RTEL1: variants seen among roughly 807,000 people sequenced by gnomAD.
The protein encoded by RTEL1 is regulator of telomere elongation helicase 1.
A neutral mutation model predicts 162.2 loss-of-function variants in RTEL1; 86 were observed. The observed-to-expected ratio is 0.53, with a 90% CI of 0.45 to 0.63. RTEL1 has a LOEUF of 0.63. Ranked by LOEUF, RTEL1 falls within the 30% of genes least tolerant of loss-of-function variation. The pLI is 0.00. For missense variants in RTEL1, 1,941 were observed against 1,750.2 expected, an observed-to-expected ratio of 1.11 and a Z score of -1.95; for synonymous variants, 958 against 717.9, an observed-to-expected ratio of 1.33 and a Z score of -5.35.
At chr20:63,674,629 A>T (rs2090312479) in intron 10 of RTEL1, among the ~76,000 whole-genome samples, 1 of 151,324 alleles carries the variant, frequency 6.6e-6, no homozygotes, top group Non-Finnish European at 1.5e-5. Context: ...TGAGCCTGGG[A>T]GGCAGAGCTT....
At chr20:63,675,378 C>G (rs999611428) in intron 10 of RTEL1, among the ~76,000 whole-genome samples, 1 of 152,136 alleles carries the variant, frequency 6.6e-6, no homozygotes, top group Non-Finnish European at 1.5e-5. Flanking sequence ...CACGGGGACC[C>G]TGGACCCTGG....
Position 63,696,218 on chromosome 20 carries a change from T to G in RTEL1, c.*360T>G. The G allele has an allele frequency of 2.7e-6, 1 of 372,488 alleles. No individual in the cohort carries two copies. The highest frequency in any genetic ancestry group is 4.9e-6 in the Non-Finnish European group (1 of 204,194). The allele number at this position is 372,488 out of a possible 1,614,324, so 23.1% of individuals were successfully genotyped here. On this transcript the variant is annotated 3_prime_UTR_variant, in exon 35 of 35. Transcript: ENST00000360203. ...TCCACTTTTAATCAGGGGACAGGGC[T>G]CTCTAATAAAGCTGCTGGCAGTGCC... is the stretch of plus-strand genomic sequence containing the variant.
chr20:63,692,981 C>T lies in RTEL1; in HGVS notation c.2829C>T (p.Pro943=), dbSNP rs774862674. The stretch of plus-strand genomic sequence containing the variant: ...TCGGCCCCCTCTTTGCTGAGGACCC[C>T]AAGAAGCACAACCTGCTCCAAGGTG... The part of the protein sequence containing the change: ...ACLGPLFAED[P]KKHNLLQGFY... Residue 943 remains proline (P), a synonymous_variant, in exon 29 of 35, where the codon CCC becomes CCT. Coordinates refer to ENST00000360203, the MANE Select transcript of RTEL1 (RefSeq NM_001283009.2). The T allele has an allele frequency of 8.1e-6, 13 of 1,612,626 alleles. No individual in the cohort carries two copies. Among genetic ancestry groups the T allele is most frequent in the Admixed American group, 3.3e-5 (2 of 60,022 alleles).
intron 10 of RTEL1, among the ~76,000 whole-genome samples, chr20:63,674,910 CTTTTTTTT>C (rs935691389): frequency 1.4e-5 from 2 of 142,538 alleles, no homozygotes; most frequent in African/African-American, 5.1e-5. Flanking sequence ...TATTTTCTTT[CTTTTTTTT>C]TTTTTTGAGA....
chr20:63,658,033 G>A (rs1198298214), upstream of RTEL1: 8 of 152,488 alleles, frequency 5.2e-5, no homozygotes, highest in East Asian at 1.5e-3. Flanking sequence ...CTCTGGGGAG[G>A]AGGCCCGTGC....
At position 63,695,471 on chromosome 20, in the gene RTEL1, T is replaced by A. The variant is rs1271688149; in HGVS notation, c.3643T>A (p.Ser1215Thr). 1 of 1,603,244 alleles carries A rather than the reference T, an allele frequency of 6.2e-7. No individual in the cohort carries two copies. The highest frequency in any genetic ancestry group is 1.7e-5 in the Admixed American group (1 of 59,296). The change falls in exon 34 of 35, where the codon TCT (serine) becomes ACT (threonine). Residue 1215 changes from serine (S) to threonine (T), a missense_variant. Ser to Thr is a moderately conservative substitution (Grantham distance 58). Transcript: ENST00000360203. ...SSGPPHGPAA[S>T]EWGEPHGRDI... ...AGGACCTCCCCACGGGCCTGCAGCA[T>A]CTGAGTGGGGTGAGCCTCATGGGAG...
intron 27 of RTEL1, 91 bp from the exon 28 acceptor site, chr20:63,691,651 T>A: frequency 8.6e-7 from 1 of 1,161,360 alleles, no homozygotes; most frequent in Non-Finnish European, 1.3e-6. Context: ...CAGGGCTCCT[T>A]GGGACCATCT....
At chr20:63,674,243 G>A (rs1458601868) in intron 10 of RTEL1, 150 bp downstream of exon 10, 10 of 1,397,604 alleles carry the variant, frequency 7.2e-6, no homozygotes, top group Non-Finnish European at 9.4e-7. Flanking sequence ...TGGGCAGCCT[G>A]CCCTGTGGCT....
rs267606058 is a variant in RTEL1, at chr20:63,662,863, C to T, written c.512C>T (p.Ser171Phe). 2 of 1,614,010 alleles carry T rather than the reference C, an allele frequency of 1.2e-6. No individual in the cohort carries two copies. The highest frequency in any genetic ancestry group is 1.7e-6 in the Non-Finnish European group (2 of 1,180,042). ...HLCRKKVASR[S>F]CHFYNNVEEK... is the part of the protein sequence containing the mutation. ...TGCCGTAAGAAGGTGGCAAGTCGCT[C>T]CTGTCATTTCTACAACAACGTAGAA... The change falls in exon 6 of 35, where the codon TCC becomes TTC. Residue 171 changes from serine to phenylalanine, a missense_variant. Coordinates refer to ENST00000360203, the MANE Select transcript of RTEL1 (RefSeq NM_001283009.2).
chr20:63,686,039 A>T (rs1432873863), intron 16 of RTEL1, 167 bp downstream of exon 16: 1 of 664,304 alleles, frequency 1.5e-6, no homozygotes. Flanking sequence ...GTCCCTCTGA[A>T]GATTGGAGTT....
intron 27 of RTEL1, among the ~76,000 whole-genome samples, chr20:63,691,529 C>G (rs575256236): frequency 6.6e-6 from 1 of 152,120 alleles, no homozygotes; most frequent in African/African-American, 2.4e-5. Context: ...CCTGCTCTTA[C>G]AAGTCACCAC....
At position 63,688,468 on chromosome 20, in the gene RTEL1, GC is replaced by G. The variant is rs1555811487; in HGVS notation, c.1723-57del. ...CAGGCAGTGGTCACAGCTCCTGCTT[GC>G]CCTCATCGGATCGGCGGCGTGACCA... On this transcript the variant is annotated intron_variant, in intron 20 of 34. Coordinates refer to ENST00000360203, the MANE Select transcript of RTEL1 (RefSeq NM_001283009.2). The G allele has an allele frequency of 5.6e-6, 9 of 1,605,582 alleles. 1 individual carries two copies. The highest frequency in any genetic ancestry group is 1.7e-4 in the Middle Eastern group (1 of 5,970).
intron 29 of RTEL1, 49 bp downstream of exon 29, chr20:63,693,052 G>C (rs368646538): frequency 1.1e-5 from 18 of 1,609,598 alleles, no homozygotes; most frequent in Middle Eastern, 1.6e-4. Flanking sequence ...TGCTGCCGCC[G>C]CGTGTGGGGT....
rs1568726783 is a variant in RTEL1, at chr20:63,695,524, A to C, written c.3696A>C (p.Gly1232=). ...GRDIAGQQAT[G]APGGPLSAGC... is the part of the protein sequence containing the mutation. ...ACATCGCTGGGCAGCAGGCCACGGG[A>C]GCTCCGGGCGGGCCCCTCTCAGCAG... Residue 1232 remains glycine (G), a synonymous_variant, in exon 34 of 35, where the codon GGA becomes GGC. Coordinates refer to ENST00000360203, the MANE Select transcript of RTEL1 (RefSeq NM_001283009.2). 1 of 1,612,142 alleles carries C rather than the reference A, an allele frequency of 6.2e-7. No individual in the cohort carries two copies. The highest frequency in any genetic ancestry group is 1.1e-5 in the South Asian group (1 of 91,018).
At chr20:63,680,844 C>T in intron 14 of RTEL1, 125 bp downstream of exon 14, 1 of 1,523,876 alleles carries the variant, frequency 6.6e-7, no homozygotes, top group South Asian at 1.2e-5. Flanking sequence ...CCACCTGTTT[C>T]TGATTGGCAA....
chr20:63,679,108 G>A (rs1267807954), intron 12 of RTEL1, among the ~76,000 whole-genome samples: 2 of 152,164 alleles, frequency 1.3e-5, no homozygotes. Flanking sequence ...CGTTCTGAAC[G>A]CTCCGTGGGG....
chr20:63,682,087 C>T (rs766116725), intron 14 of RTEL1: 62 of 985,430 alleles, frequency 6.3e-5, no homozygotes, highest in Middle Eastern at 5.2e-4. Flanking sequence ...TGAGCTGGCC[C>T]GGGCCTGTCC....
At chr20:63,670,627 T>C (rs6062484) in intron 8 of RTEL1, among the ~76,000 whole-genome samples, 67,060 of 151,922 alleles carry the variant, frequency 0.44, 15,339 homozygotes, top group Non-Finnish European at 0.49. Context: ...GCTGTGAAGT[T>C]GTGTAGCCAC....
chr20:63,686,856 C>G (rs1452066293), intron 16 of RTEL1: 1 of 166,998 alleles, frequency 6.0e-6, no homozygotes, highest in East Asian at 1.4e-4. Context: ...TTCCAAGGGC[C>G]TGGAATCTGT....
Sources: allele counts gnomAD v4.1 joint callset (sites outside exome capture counted in the v4.1 genomes callset), GRCh38; gene constraint gnomAD v4.1.1; transcripts MANE v1.5; gene names NCBI Gene and HGNC (gene_info 2026-07-23, HGNC 2026-07-21).